The following UNC79 variants were observed in gnomAD, a reference collection of about 807,000 sequenced individuals.
UNC79 encodes the protein unc-79 subunit of NALCN channel complex.
A neutral mutation model predicts 283.1 loss-of-function variants in UNC79; 37 were observed. The ratio of observed to expected loss-of-function variants is 0.13; its 90% CI spans 0.10 to 0.17. The LOEUF (loss-of-function observed/expected upper bound fraction) is 0.17, where lower values mean the gene tolerates loss of function less well. Among genes scored for constraint, UNC79 ranks in the 10% least tolerant of loss-of-function variants. UNC79 has a pLI of 1.00. For missense variants in UNC79, 2,272 were observed against 3,211.1 expected (o/e 0.71, Z 7.07); for synonymous variants, 1,107 against 1,200.2 (o/e 0.92, Z 1.61).
Position 93,538,220 on chromosome 14 carries a change from T to C in UNC79, c.1352+2T>C. ...CTGCGCCGTGGAAGCCGTGATCAGG[T>C]AACACGCAGTTTCTTAGTAGCTGCC... On this transcript the variant is annotated splice_donor_variant, in intron 12 of 48. Transcript: ENST00000555664. LOFTEE classifies it high-confidence loss of function. 6.4e-7 allele frequency: 1 copy of C among 1,572,288 alleles called. No homozygotes were observed. Among genetic ancestry groups the C allele is most frequent in the African/African-American group, 1.4e-5 (1 of 73,970 alleles).
intron 5 of UNC79, among the ~76,000 whole-genome samples, chr14:93,489,500 G>C (rs895249115): frequency 6.6e-6 from 1 of 152,186 alleles, no homozygotes; most frequent in Non-Finnish European, 1.5e-5. Flanking sequence ...GGTTGGACAG[G>C]CATAGCATAG....
chr14:93,404,493 A>AAAAAAAATATATATATATAT, intron 1 of UNC79, among the ~76,000 whole-genome samples: 25 of 61,484 alleles, frequency 4.1e-4, no homozygotes, highest in East Asian at 2.2e-3. Context: ...TTCTAAAAAA[A>AAAAAAAATATATATATATAT]ATATATATAT....
intron 8 of UNC79, among the ~76,000 whole-genome samples, chr14:93,528,043 A>T (rs1281062904): frequency 1.3e-5 from 2 of 152,174 alleles, no homozygotes; most frequent in Non-Finnish European, 2.9e-5. Flanking sequence ...TTCCAGAGTA[A>T]GAGAAGTGAA....
At chr14:93,502,054 G>C (rs2059317661) in intron 7 of UNC79, among the ~76,000 whole-genome samples, 1 of 152,190 alleles carries the variant, frequency 6.6e-6, no homozygotes, top group African/African-American at 2.4e-5. Flanking sequence ...GATCTACAAT[G>C]TTTTTTCCTT....
chr14:93,692,150 G>A (rs1048123106), intron 46 of UNC79, among the ~76,000 whole-genome samples: 3 of 152,158 alleles, frequency 2.0e-5, no homozygotes, highest in Admixed American at 1.3e-4. Context: ...CAAAATAATA[G>A]TTCAAGAGAT....
Position 93,404,493 on chromosome 14 carries a change from A to AAAAAAAAATATATATATATATATATAT in UNC79, c.-350-63177_-350-63176insAAAAAAATATATATATATATATATATA. Among the ~76,000 whole-genome samples, 114 of 61,428 alleles carry AAAAAAAAATATATATATATATATATAT rather than the reference A, an allele frequency of 1.9e-3. 2 individuals are homozygous for AAAAAAAAATATATATATATATATATAT. Among genetic ancestry groups the AAAAAAAAATATATATATATATATATAT allele is most frequent in the Admixed American group, 2.6e-3 (11 of 4,226 alleles). 40.3% of individuals were successfully genotyped at this position (61,428 alleles called of 152,430 possible). ...TGACAGAGTGAGACCTTCTAAAAAA[A>AAAAAAAAATATATATATATATATATAT]ATATATATATATATATATATAAATA... On this transcript the variant is annotated intron_variant, in intron 1 of 49. Coordinates refer to the UNC79 transcript ENST00000256339.
At position 93,691,961 on chromosome 14, in the gene UNC79, G is replaced by A. The variant is rs369035270; in HGVS notation, c.7470+15G>A. 1.8e-5 allele frequency: 29 copies of A among 1,612,594 alleles called. No homozygotes were observed. Among genetic ancestry groups the A allele is most frequent in the African/African-American group, 4.0e-5 (3 of 74,872 alleles). ...ATAACAAAGTGGTGAGTTCACAGAC[G>A]AGTTTCCCTTCTGAGATGGAATCTC... On this transcript the variant is annotated intron_variant, in intron 46 of 48. Coordinates refer to ENST00000555664, the Ensembl canonical transcript of UNC79.
intron 35 of UNC79, among the ~76,000 whole-genome samples, chr14:93,651,297 A>G (rs916820348): frequency 6.6e-6 from 1 of 152,228 alleles, no homozygotes. Flanking sequence ...TAAATTTTGG[A>G]ATAAGCTTGT....
intron 7 of UNC79, among the ~76,000 whole-genome samples, chr14:93,508,630 AT>A (rs79303517): frequency 0.054 from 8,229 of 152,094 alleles, 327 homozygotes; most frequent in Admixed American, 0.12. Context: ...AGGTGTTTGA[AT>A]TTTTTTATGC....
Position 93,688,871 on chromosome 14 carries a change from T to A in UNC79, c.7085+31T>A. 6.2e-7 allele frequency: 1 copy of A among 1,603,326 alleles called. No homozygotes were observed. The highest frequency in any genetic ancestry group is 8.5e-7 in the Non-Finnish European group (1 of 1,173,932). On this transcript the variant is annotated intron_variant, in intron 44 of 48. Coordinates refer to ENST00000555664, the Ensembl canonical transcript of UNC79. The surrounding 1 kb of genome is among the most constrained non-coding windows in gnomAD (Gnocchi z 4.0). ...ACCCTTACTATTCCGGGAATGAGGG[T>A]AAAGAAGGCAGGAGACACCCCTGAG...
intron 7 of UNC79, among the ~76,000 whole-genome samples, chr14:93,505,405 A>G (rs2059482614): frequency 6.6e-6 from 1 of 152,132 alleles, no homozygotes; most frequent in Non-Finnish European, 1.5e-5. Context: ...TACCATTACA[A>G]AGTGCATGTC....
chr14:93,542,991 C>T lies in UNC79; in HGVS notation c.1755+295C>T, dbSNP rs112259729. The stretch of plus-strand genomic sequence containing the variant: ...TTTTTGAAATGGGATCTTGCTATGT[C>T]GCCCAGGCTGGCCGCCTTGAACTCC... On this transcript the variant is annotated intron_variant, in intron 14 of 48. Transcript: ENST00000555664. 5.4e-3 allele frequency among the ~76,000 whole-genome samples: 783 copies of T among 145,806 alleles called. 4 individuals carry two copies. The highest frequency in any genetic ancestry group is 0.017 in the African/African-American group (659 of 39,368).
intron 1 of UNC79, among the ~76,000 whole-genome samples, chr14:93,415,764 G>C (rs1406355824): frequency 8.0e-5 from 12 of 150,380 alleles, no homozygotes; most frequent in African/African-American, 1.2e-4. Flanking sequence ...TGTATGTGTC[G>C]AGGAATTTAT....
At chr14:93,387,978 G>A (rs745800258) in intron 1 of UNC79, among the ~76,000 whole-genome samples, 8 of 151,990 alleles carry the variant, frequency 5.3e-5, no homozygotes, top group East Asian at 3.8e-4. Context: ...TTCTTATTAC[G>A]TAGTGACCTT....
chr14:93,432,971 A>G (rs2055936106), intron 1 of UNC79, among the ~76,000 whole-genome samples: 1 of 152,186 alleles, frequency 6.6e-6, no homozygotes, highest in African/African-American at 2.4e-5. Flanking sequence ...AAATCTATCT[A>G]TGGACTTGAT....
intron 4 of UNC79, among the ~76,000 whole-genome samples, chr14:93,480,021 C>A (rs1463025724): frequency 6.6e-6 from 1 of 152,176 alleles, no homozygotes; most frequent in Non-Finnish European, 1.5e-5. Flanking sequence ...AAATATCAGG[C>A]CTCTGAAGTT....
chr14:93,431,876 G>A (rs1481811554), intron 1 of UNC79, among the ~76,000 whole-genome samples: 1 of 152,220 alleles, frequency 6.6e-6, no homozygotes, highest in Non-Finnish European at 1.5e-5. Flanking sequence ...GGCCTTCGGT[G>A]TGTGCTTGGT....
Position 93,392,604 on chromosome 14 carries a change from AAAG to A in UNC79, c.-351+59085_-351+59087del, listed in dbSNP as rs1296668463. Among the ~76,000 whole-genome samples the A allele has an allele frequency of 9.2e-5, 14 of 152,310 alleles. No homozygotes were observed. In the East Asian group the frequency reaches 2.5e-3, roughly 27 times the overall value. The stretch of plus-strand genomic sequence containing the variant: ...CAGGGGTCACATATTCAAACAAGCT[AAAG>A]AAGTGTTTTTTTTCTGCCCATAGCC... On this transcript the variant is annotated intron_variant, in intron 1 of 49. Coordinates refer to the UNC79 transcript ENST00000256339.
At chr14:93,431,869 C>CT (rs1566931247) in intron 1 of UNC79, among the ~76,000 whole-genome samples, 1 of 152,170 alleles carries the variant, frequency 6.6e-6, no homozygotes, top group African/African-American at 2.4e-5. Context: ...ACTAGTAGGC[C>CT]TTCGGTGTGT....
Sources: allele counts gnomAD v4.1 joint callset (sites outside exome capture counted in the v4.1 genomes callset), GRCh38; gene constraint gnomAD v4.1.1; non-coding constraint Gnocchi (gnomAD v3.1); transcripts MANE v1.5; gene names NCBI Gene and HGNC (gene_info 2026-07-23, HGNC 2026-07-21).